The following LDLRAD3 variants were observed in gnomAD, a reference collection of about 807,000 sequenced individuals.
The protein encoded by LDLRAD3 is low density lipoprotein receptor class A domain containing 3, also known as low-density lipoprotein receptor class A domain-containing protein 3.
In LDLRAD3, 20 loss-of-function variants were observed where a neutral mutation model predicts 29.4. The observed-to-expected ratio is 0.68, with a 90% CI of 0.48 to 0.99. The LOEUF (loss-of-function observed/expected upper bound fraction) is 0.99, where lower values mean the gene tolerates loss of function less well. Among genes scored for constraint, LDLRAD3 ranks in the 50% least tolerant of loss-of-function variants. The probability of loss-of-function intolerance (pLI) is 0.00; values close to 1 mark genes in which losing one functional copy is unlikely to be tolerated. For synonymous variants in LDLRAD3, 157 were observed against 192.7 expected (o/e 0.81, Z 1.53); for missense variants, 420 against 454.3 (o/e 0.92, Z 0.69).
At chr11:36,144,772 C>T (rs1350732665) in intron 4 of LDLRAD3, among the ~76,000 whole-genome samples, 8 of 133,732 alleles carry the variant, frequency 6.0e-5, no homozygotes, top group African/African-American at 1.4e-4. Context: ...GTCAGCCCCC[C>T]GCCCGGCCAG....
At chr11:36,191,576 C>CTCTCTATA (rs377747518) in intron 4 of LDLRAD3, among the ~76,000 whole-genome samples, 603 of 53,220 alleles carry the variant, frequency 0.011, 7 homozygotes, top group Non-Finnish European at 0.015. Flanking sequence ...CTCTCTCTCT[C>CTCTCTATA]TATATATATA....
chr11:36,080,859 C>A (rs901346662), intron 2 of LDLRAD3, among the ~76,000 whole-genome samples: 7 of 152,170 alleles, frequency 4.6e-5, no homozygotes, highest in African/African-American at 1.7e-4. Context: ...AATGTAACAA[C>A]ATATGTGGAA....
intron 1 of LDLRAD3, among the ~76,000 whole-genome samples, chr11:36,011,473 C>T (rs1657858685): frequency 6.6e-6 from 1 of 152,136 alleles, no homozygotes; most frequent in African/African-American, 2.4e-5. Flanking sequence ...GAAGTGAGAA[C>T]ACAGTGGTCA....
intron 2 of LDLRAD3, among the ~76,000 whole-genome samples, chr11:36,059,828 G>C (rs1852671304): frequency 6.6e-6 from 1 of 152,052 alleles, no homozygotes. Flanking sequence ...TTGAGAGTGA[G>C]ACCTCCCCTG....
At chr11:36,077,384 A>G (rs1853030811) in intron 2 of LDLRAD3, among the ~76,000 whole-genome samples, 1 of 152,234 alleles carries the variant, frequency 6.6e-6, no homozygotes, top group Non-Finnish European at 1.5e-5. Flanking sequence ...TTCTGTGGCC[A>G]GTGACACCTT....
chr11:36,105,064 T>G (rs918855338), intron 4 of LDLRAD3, among the ~76,000 whole-genome samples: 1 of 152,140 alleles, frequency 6.6e-6, no homozygotes, highest in African/African-American at 2.4e-5. Context: ...GGAGAGTTAA[T>G]TAAGTGTTTT....
Position 36,229,239 on chromosome 11 carries a change from C to T in LDLRAD3, c.880C>T (p.Arg294Cys), listed in dbSNP as rs368985910. 2.7e-5 allele frequency: 44 copies of T among 1,613,976 alleles called. No individual in the cohort carries two copies. Among genetic ancestry groups the T allele is most frequent in the Middle Eastern group, 1.6e-4 (1 of 6,084 alleles). The change falls in exon 6 of 6, where the codon CGC (arginine) becomes TGC (cysteine). Residue 294 changes from arginine (R) to cysteine (C), a missense_variant. By Grantham distance (180) the Arg-to-Cys change is radical. Coordinates refer to ENST00000315571, the MANE Select transcript of LDLRAD3 (RefSeq NM_174902.4). ...SLNQADLPPY[R>C]SRSGSANSAS... Reference sequence around the variant, plus strand: ...GAACCAAGCCGACCTGCCCCCCTACCGCTCCCGGTCCGGGAGTGCCAACAG... The same window carrying T: ...GAACCAAGCCGACCTGCCCCCCTACTGCTCCCGGTCCGGGAGTGCCAACAG...
intron 4 of LDLRAD3, among the ~76,000 whole-genome samples, chr11:36,198,608 G>A (rs1239773991): frequency 6.6e-6 from 1 of 152,158 alleles, no homozygotes; most frequent in Non-Finnish European, 1.5e-5. Context: ...AAGCAGGGTG[G>A]TTCTGCTTCT....
At chr11:35,948,020 A>G (rs1851080696) in intron 1 of LDLRAD3, among the ~76,000 whole-genome samples, 1 of 152,184 alleles carries the variant, frequency 6.6e-6, no homozygotes. Context: ...ACTTTTTCAG[A>G]CTAACTCTGG....
chr11:36,004,939 T>C (rs262414), intron 1 of LDLRAD3, among the ~76,000 whole-genome samples: 128,492 of 152,118 alleles, frequency 0.84, 55,548 homozygotes, highest in Non-Finnish European at 0.94. Flanking sequence ...CAGGGCACCA[T>C]GTCCCAAGGC....
At chr11:36,025,774 A>ATTTT (rs754006718) in intron 1 of LDLRAD3, among the ~76,000 whole-genome samples, 10 of 84,406 alleles carry the variant, frequency 1.2e-4, no homozygotes, top group Non-Finnish European at 1.8e-4. Flanking sequence ...CCTGAATTTG[A>ATTTT]TTTTTTTTTT....
intron 4 of LDLRAD3, among the ~76,000 whole-genome samples, chr11:36,132,294 T>C (rs972299563): frequency 6.6e-6 from 1 of 152,074 alleles, no homozygotes; most frequent in African/African-American, 2.4e-5. Flanking sequence ...TGTTGGAAAA[T>C]GTGTCTCAAT....
chr11:36,145,492 C>G (rs1160534983), intron 4 of LDLRAD3, among the ~76,000 whole-genome samples: 1 of 149,466 alleles, frequency 6.7e-6, no homozygotes, highest in East Asian at 2.0e-4. Flanking sequence ...GCCACCACCC[C>G]GTCTGGGAGG....
At chr11:36,151,927 C>T (rs1406232338) in intron 4 of LDLRAD3, among the ~76,000 whole-genome samples, 1 of 152,106 alleles carries the variant, frequency 6.6e-6, no homozygotes, top group Non-Finnish European at 1.5e-5. Flanking sequence ...TAGACTTGAC[C>T]CCAACACTTT....
At chr11:36,143,977 G>C (rs1254798248) in intron 4 of LDLRAD3, among the ~76,000 whole-genome samples, 4 of 129,672 alleles carry the variant, frequency 3.1e-5, no homozygotes, top group South Asian at 5.5e-4. Flanking sequence ...CTCTGATGCC[G>C]AGCCGAAGCT....
In LDLRAD3 at chr11:36,193,642, C is replaced by T. The variant is rs964070644; in HGVS notation, c.455-33443C>T. Among the ~76,000 whole-genome samples the T allele has an allele frequency of 1.1e-4, 16 of 152,176 alleles. No homozygotes were observed. In the South Asian group the frequency reaches 2.1e-3, roughly 20 times the overall value. ...CCCCTCCCAGCTCTCCTGTTAAGAGCACCACTTAGTTTTAATAATTGATTT... is the reference window on the plus strand; with the variant it reads ...CCCCTCCCAGCTCTCCTGTTAAGAGTACCACTTAGTTTTAATAATTGATTT... On this transcript the variant is annotated intron_variant, in intron 4 of 5. Transcript: ENST00000315571.
chr11:36,215,989 A>G (rs934399980), intron 4 of LDLRAD3, among the ~76,000 whole-genome samples: 5 of 152,200 alleles, frequency 3.3e-5, no homozygotes, highest in Admixed American at 2.6e-4. Context: ...CTGCATGCTC[A>G]GTTCTTGACA....
At chr11:36,116,902 C>T (rs1011821868) in intron 4 of LDLRAD3, among the ~76,000 whole-genome samples, 5 of 150,148 alleles carry the variant, frequency 3.3e-5, no homozygotes, top group African/African-American at 9.9e-5. Context: ...ACTTCAGTAG[C>T]GCAATCTTGG....
chr11:36,036,003 C>A, intron 1 of LDLRAD3, 100 bp from the exon 2 acceptor site: 1 of 1,171,968 alleles, frequency 8.5e-7, no homozygotes, highest in Non-Finnish European at 1.2e-6. Context: ...GAGTCATCTA[C>A]CAGAAGTCTC....
Sources: gnomAD v4.1 joint callset for allele counts (sites outside exome capture counted in the v4.1 genomes callset) on GRCh38, gnomAD v4.1.1 for gene constraint, MANE v1.5 for transcripts, NCBI Gene and HGNC (gene_info 2026-07-23, HGNC 2026-07-21) for gene names.